SORCS3: variants seen among roughly 807,000 people sequenced by gnomAD.
SORCS3 encodes sortilin related VPS10 domain containing receptor 3.
In SORCS3, 57 loss-of-function variants were observed where a neutral mutation model predicts 146.3. That is an observed-to-expected ratio of 0.39 (90% CI 0.31 to 0.49). The LOEUF (loss-of-function observed/expected upper bound fraction) is 0.49. Among genes scored for constraint, SORCS3 ranks in the 20% least tolerant of loss-of-function variants. The pLI is 0.92. For synonymous variants in SORCS3, 653 were observed against 618.5 expected (o/e 1.06, Z -0.83); for missense variants, 1,341 against 1,575.5 (o/e 0.85, Z 2.52).
At chr10:104,809,286 G>C (rs2017714929) in intron 1 of SORCS3, among the ~76,000 whole-genome samples, 1 of 152,184 alleles carries the variant, frequency 6.6e-6, no homozygotes, top group African/African-American at 2.4e-5. Context: ...TCTTGGTTGG[G>C]ATTCCTCATA....
At chr10:105,144,452 G>A (rs703485) in intron 8 of SORCS3, among the ~76,000 whole-genome samples, 5,453 of 152,132 alleles carry the variant, frequency 0.036, 319 homozygotes, top group African/African-American at 0.12. Flanking sequence ...GTTACATTAG[G>A]CCTAGATTAT....
intron 2 of SORCS3, among the ~76,000 whole-genome samples, chr10:104,896,267 C>T (rs2018796696): frequency 6.6e-6 from 1 of 152,188 alleles, no homozygotes; most frequent in African/African-American, 2.4e-5. Flanking sequence ...CCTCACTGGT[C>T]TTATGGCAAA....
intron 1 of SORCS3, among the ~76,000 whole-genome samples, chr10:104,821,689 T>C (rs567160553): frequency 6.6e-6 from 1 of 152,336 alleles, no homozygotes; most frequent in African/African-American, 2.4e-5. Flanking sequence ...TCCTGACTTC[T>C]CCCTTTGTTT....
chr10:104,642,022 G>GGAGGGGGGGGGGGGGGGGA, intron 1 of SORCS3, 68 bp downstream of exon 1: 3 of 173,332 alleles, frequency 1.7e-5, no homozygotes, highest in Non-Finnish European at 2.2e-5. Flanking sequence ...GGGTGGGTGG[G>GGAGGGGGGGGGGGGGGGGA]AGCGAGGGAC....
intron 14 of SORCS3, among the ~76,000 whole-genome samples, chr10:105,180,921 T>A (rs1272133640): frequency 6.6e-6 from 1 of 152,218 alleles, no homozygotes; most frequent in Non-Finnish European, 1.5e-5. Context: ...ATTTTTTCCT[T>A]CACAGCACTT....
chr10:104,724,471 G>A (rs1304878275), intron 1 of SORCS3, among the ~76,000 whole-genome samples: 1 of 151,842 alleles, frequency 6.6e-6, no homozygotes, highest in Admixed American at 6.6e-5. Flanking sequence ...TGCTCTTCTC[G>A]AGGAGTATCT....
At chr10:105,111,754 T>C (rs2055860620) in intron 7 of SORCS3, among the ~76,000 whole-genome samples, 1 of 152,244 alleles carries the variant, frequency 6.6e-6, no homozygotes, top group Non-Finnish European at 1.5e-5. Context: ...GCTGTATTAG[T>C]GCAAAGCACA....
chr10:105,156,389 T>C (rs1337256882), intron 9 of SORCS3, among the ~76,000 whole-genome samples: 1 of 152,212 alleles, frequency 6.6e-6, no homozygotes, highest in Non-Finnish European at 1.5e-5. Flanking sequence ...AGAACCCTTC[T>C]GGGTGATAAA....
intron 4 of SORCS3, among the ~76,000 whole-genome samples, chr10:105,003,508 T>C (rs1365411831): frequency 6.6e-6 from 1 of 152,120 alleles, no homozygotes; most frequent in Non-Finnish European, 1.5e-5. Context: ...GATTCCATGA[T>C]TAAATGGAGC....
At chr10:104,784,462 C>T (rs114920436) in intron 1 of SORCS3, among the ~76,000 whole-genome samples, 6,444 of 152,308 alleles carry the variant, frequency 0.042, 147 homozygotes, top group Admixed American at 0.054. Context: ...TCCCTTGAGC[C>T]ATTTGTAACA....
At position 105,147,790 on chromosome 10, in the gene SORCS3, G is replaced by T. The variant is rs768182904; in HGVS notation, c.1476G>T (p.Leu492Phe). The T allele has an allele frequency of 1.2e-6, 2 of 1,609,928 alleles. No individual in the cohort carries two copies. Among genetic ancestry groups the T allele is most frequent in the South Asian group, 2.2e-5 (2 of 90,556 alleles). The change falls in exon 9 of 27, where the codon TTG becomes TTT. Residue 492 changes from leucine to phenylalanine, a missense_variant. Transcript: ENST00000369701. The stretch of plus-strand genomic sequence containing the variant: ...TAATGGGGAACATCATTATTGAATT[G>T]TATGAGGTATGTAGCCAAAATTCTC... ...RGLMGNIIIE[L>F]YEVAGIKGIF...
chr10:104,999,881 C>T (rs1394251308), intron 4 of SORCS3, among the ~76,000 whole-genome samples: 1 of 152,154 alleles, frequency 6.6e-6, no homozygotes, highest in African/African-American at 2.4e-5. Flanking sequence ...CAGGGGTTTT[C>T]ATATGGCCAC....
chr10:105,263,263 T>C, intron 26 of SORCS3, 47 bp from the exon 27 acceptor site: 1 of 1,586,512 alleles, frequency 6.3e-7, no homozygotes, highest in Middle Eastern at 1.7e-4. Context: ...ATCCCTGCCC[T>C]TGTGGAACTC....
At chr10:104,838,928 C>T (rs190253764) in intron 1 of SORCS3, among the ~76,000 whole-genome samples, 53 of 152,174 alleles carry the variant, frequency 3.5e-4, no homozygotes, top group Middle Eastern at 3.4e-3. Context: ...ATGGGAGGAG[C>T]ACTACCTTGG....
At chr10:105,249,607 A>G (rs1349993154) in intron 22 of SORCS3, among the ~76,000 whole-genome samples, 3 of 152,120 alleles carry the variant, frequency 2.0e-5, no homozygotes, top group Non-Finnish European at 2.9e-5. Flanking sequence ...GAGGGCTGGG[A>G]GCGGTGGCTC....
chr10:104,788,874 T>C (rs2017466381), intron 1 of SORCS3, among the ~76,000 whole-genome samples: 1 of 152,192 alleles, frequency 6.6e-6, no homozygotes, highest in Admixed American at 6.5e-5. Flanking sequence ...TTTACCTTCA[T>C]TTATGGGGAT....
chr10:104,961,138 C>T (rs947206460), intron 3 of SORCS3, among the ~76,000 whole-genome samples: 12 of 152,142 alleles, frequency 7.9e-5, no homozygotes, highest in Non-Finnish European at 1.6e-4. Context: ...GGCTTTGGAA[C>T]AGTGATTCTT....
intron 1 of SORCS3, among the ~76,000 whole-genome samples, chr10:104,685,038 G>A (rs535897843): frequency 5.9e-5 from 9 of 151,946 alleles, no homozygotes; most frequent in Middle Eastern, 3.4e-3. Flanking sequence ...GGCTGGTCTC[G>A]AGCTCCTGGC....
In SORCS3 at chr10:105,262,486, T is replaced by C. The variant is rs367891062; in HGVS notation, c.3599T>C (p.Val1200Ala). ...CTGGACAAAGAGCTGGACACGCGGGTCATAGGTACATGCTCCTGCTCCACT... is the reference window on the plus strand; with the variant it reads ...CTGGACAAAGAGCTGGACACGCGGGCCATAGGTACATGCTCCTGCTCCACT... ...ELLDKELDTRVIGGIATIANS... is the reference protein window; with the variant it reads ...ELLDKELDTRAIGGIATIANS... The change falls in exon 26 of 27, where the codon GTC becomes GCC. Residue 1200 changes from valine to alanine, a missense_variant. Coordinates refer to ENST00000369701, the MANE Select transcript of SORCS3 (RefSeq NM_014978.3). The C allele has an allele frequency of 6.2e-7, 1 of 1,613,198 alleles. No individual in the cohort carries two copies. The highest frequency in any genetic ancestry group is 8.5e-7 in the Non-Finnish European group (1 of 1,179,666).
Sources: allele counts gnomAD v4.1 joint callset (sites outside exome capture counted in the v4.1 genomes callset), GRCh38; gene constraint gnomAD v4.1.1; transcripts MANE v1.5; gene names NCBI Gene and HGNC (gene_info 2026-07-23, HGNC 2026-07-21).